SNX2: variants seen among roughly 807,000 people sequenced by gnomAD.
SNX2 encodes the protein sorting nexin-2.
A neutral mutation model predicts 69.9 loss-of-function variants in SNX2; 25 were observed. The ratio of observed to expected loss-of-function variants is 0.36; its 90% CI spans 0.26 to 0.50. The LOEUF (loss-of-function observed/expected upper bound fraction) is 0.50. SNX2 is among the 20% of genes least tolerant of loss of function. The pLI, the probability that SNX2 is intolerant of heterozygous loss-of-function variation, is 0.97. For missense variants in SNX2, 551 were observed against 613.3 expected (o/e 0.90, Z 1.07); for synonymous variants, 229 against 200.4 (o/e 1.14, Z -1.20).
At chr5:122,810,975 A>C (rs1753762991) in intron 7 of SNX2, among the ~76,000 whole-genome samples, 2 of 152,132 alleles carry the variant, frequency 1.3e-5, no homozygotes, top group South Asian at 4.1e-4. Context: ...CAGGATTCTA[A>C]AACTGCATTT....
chr5:122,806,149 C>CACACACACACACACACACACAA (rs1753651818), intron 6 of SNX2, among the ~76,000 whole-genome samples: 3 of 96,830 alleles, frequency 3.1e-5, no homozygotes, highest in African/African-American at 1.1e-4. Flanking sequence ...CGCGCACACA[C>CACACACACACACACACACACAA]ACACACACAC....
At chr5:122,816,388 C>G (rs1753900748) in intron 8 of SNX2, among the ~76,000 whole-genome samples, 1 of 152,144 alleles carries the variant, frequency 6.6e-6, no homozygotes, top group African/African-American at 2.4e-5. Context: ...AGCCTAAATT[C>G]TAAACATGAT....
chr5:122,786,957 G>A (rs1429739815), intron 1 of SNX2, among the ~76,000 whole-genome samples: 1 of 152,056 alleles, frequency 6.6e-6, no homozygotes, highest in African/African-American at 2.4e-5. Context: ...TGATGGTGTG[G>A]GGGAATAAAG....
chr5:122,812,591 T>C (rs534836582), intron 7 of SNX2, among the ~76,000 whole-genome samples: 30 of 152,328 alleles, frequency 2.0e-4, no homozygotes, highest in African/African-American at 7.2e-4. Context: ...TTTACCCCAT[T>C]GTTCTGTCTT....
chr5:122,775,148 C>T lies in SNX2; in HGVS notation c.45C>T (p.Pro15=), dbSNP rs765761676. The T allele has an allele frequency of 1.7e-5, 27 of 1,596,808 alleles. No individual in the cohort carries two copies. The highest frequency in any genetic ancestry group is 2.2e-5 in the Non-Finnish European group (26 of 1,173,434). ...CTCCTCCGCTGGGGGACGGGAAGCC[C>T]ACCGACTTTGAGGATCTGGAGGACG... is the stretch of plus-strand genomic sequence containing the variant. ...REPPPLGDGK[P]TDFEDLEDGE... is the part of the protein sequence containing the mutation. The change falls in exon 1 of 15, where the codon CCC becomes CCT. Residue 15 remains proline, a synonymous_variant. Transcript: ENST00000379516.
Position 122,834,095 on chromosome 5 carries a change from A to T in SNX2, c.*4447A>T, listed in dbSNP as rs1043090843. 5 of 152,220 alleles carry T rather than the reference A, an allele frequency of 3.3e-5. No homozygotes were observed. The highest frequency in any genetic ancestry group is 1.2e-4 in the African/African-American group (5 of 41,472). The allele number at this position is 152,220 out of a possible 1,614,324, so 9.4% of individuals were successfully genotyped here. A position where few individuals can be genotyped will look rare whatever the true frequency, so the allele number is the denominator to read the frequency against. ...AAATTTATGTGTGAACCATATGTGA[A>T]CATTCTTTGAAAATGTATGATAAGC... On this transcript the variant is annotated 3_prime_UTR_variant, in exon 15 of 15. Transcript: ENST00000379516.
intron 12 of SNX2, among the ~76,000 whole-genome samples, chr5:122,826,483 T>G (rs1162916282): frequency 6.6e-6 from 1 of 152,006 alleles, no homozygotes; most frequent in Non-Finnish European, 1.5e-5. Flanking sequence ...CAGATTATTA[T>G]TTTGTGTCTA....
intron 3 of SNX2, among the ~76,000 whole-genome samples, chr5:122,801,605 T>TAA (rs34058769): frequency 6.7e-4 from 83 of 123,672 alleles, no homozygotes; most frequent in Middle Eastern, 8.8e-3. Flanking sequence ...ACTCTATCTT[T>TAA]AAAAAAAAAA....
chr5:122,804,222 A>C (rs543618830), intron 6 of SNX2, among the ~76,000 whole-genome samples: 1 of 152,296 alleles, frequency 6.6e-6, no homozygotes, highest in South Asian at 2.1e-4. Flanking sequence ...TCACAATCAG[A>C]GAATACTTAA....
chr5:122,808,736 G>A (rs1304418928), intron 7 of SNX2: 1 of 157,798 alleles, frequency 6.3e-6, no homozygotes, highest in Admixed American at 6.2e-5. Context: ...GTTGTGAATG[G>A]GGGGAAAAAT....
chr5:122,806,094 A>ATG (rs147188322), intron 6 of SNX2, among the ~76,000 whole-genome samples: 41,036 of 123,858 alleles, frequency 0.33, 6,362 homozygotes, highest in Admixed American at 0.42. Context: ...TAAAACTTTT[A>ATG]TGTGTGTGTG....
intron 8 of SNX2, 50 bp downstream of exon 8, chr5:122,816,021 C>A: frequency 2.0e-6 from 2 of 980,366 alleles, no homozygotes; most frequent in South Asian, 3.1e-5. Flanking sequence ...CGTTATTTGT[C>A]ATTGTAATGT....
Position 122,815,887 on chromosome 5 carries a change from TA to T in SNX2, c.723-6del. 1 of 1,525,794 alleles carries T rather than the reference TA, an allele frequency of 6.6e-7. No homozygotes were observed. The highest frequency in any genetic ancestry group is 8.9e-7 in the Non-Finnish European group (1 of 1,118,796). The allele number at this position is 1,525,794 out of a possible 1,614,324, so 94.5% of individuals were successfully genotyped here. ...ACTGATAAAGGAGCAATTTTACTCT[TA>T]AATCTAGGTATCTTCAAAGAACAGT... On this transcript the variant is annotated splice_region_variant and splice_polypyrimidine_tract_variant and intron_variant, in intron 7 of 14. Coordinates refer to ENST00000379516, the MANE Select transcript of SNX2 (RefSeq NM_003100.4).
In SNX2 at chr5:122,805,760, A is replaced by G. The variant is rs183712527; in HGVS notation, c.643+2147A>G. 2.6e-5 allele frequency among the ~76,000 whole-genome samples: 4 copies of G among 152,164 alleles called. No homozygotes were observed. In the East Asian group the frequency reaches 7.8e-4, roughly 30 times the overall value. The stretch of plus-strand genomic sequence containing the variant: ...ACCACACCCAACTGAAATACATTTA[A>G]TGTGGATTAAATTGTTTAAAACTTT... On this transcript the variant is annotated intron_variant, in intron 6 of 14. Coordinates refer to ENST00000379516, the MANE Select transcript of SNX2 (RefSeq NM_003100.4).
intron 2 of SNX2, among the ~76,000 whole-genome samples, chr5:122,798,012 A>G (rs1433743517): frequency 1.3e-5 from 2 of 152,202 alleles, no homozygotes; most frequent in African/African-American, 4.8e-5. Context: ...CTGATTTCTT[A>G]ATAAAGTTAC....
chr5:122,777,756 G>A (rs995191), intron 1 of SNX2, among the ~76,000 whole-genome samples: 91,567 of 152,056 alleles, frequency 0.6, 28,131 homozygotes, highest in East Asian at 0.83. Flanking sequence ...TGATGTTTCA[G>A]TACCTGTGTA....
intron 1 of SNX2, among the ~76,000 whole-genome samples, chr5:122,782,478 G>A (rs918468063): frequency 2.0e-5 from 3 of 151,990 alleles, no homozygotes; most frequent in Non-Finnish European, 4.4e-5. Flanking sequence ...ACCTCAGGCA[G>A]TTCGCCCTTC....
intron 1 of SNX2, among the ~76,000 whole-genome samples, chr5:122,776,863 A>G (rs1324750347): frequency 1.3e-5 from 2 of 152,168 alleles, no homozygotes; most frequent in African/African-American, 2.4e-5. Context: ...GAGTGTTACA[A>G]CCTTTTTTCA....
intron 11 of SNX2, among the ~76,000 whole-genome samples, chr5:122,821,484 C>T (rs1754022076): frequency 6.7e-6 from 1 of 149,532 alleles, no homozygotes; most frequent in Admixed American, 6.7e-5. Flanking sequence ...CAGACGGAGA[C>T]TCGCTCTGTC....
Sources: gnomAD v4.1 joint callset for allele counts (sites outside exome capture counted in the v4.1 genomes callset) on GRCh38, gnomAD v4.1.1 for gene constraint, MANE v1.5 for transcripts, NCBI Gene and HGNC (gene_info 2026-07-23, HGNC 2026-07-21) for gene names.